CC2D2B: variants seen among roughly 807,000 people sequenced by gnomAD.
CC2D2B encodes coiled-coil and C2 domain containing 2B, also known as protein CC2D2B.
In CC2D2B, 128 loss-of-function variants were observed where a neutral mutation model predicts 161.2. The observed-to-expected ratio is 0.79, with a 90% confidence interval of 0.69 to 0.92. CC2D2B has a LOEUF of 0.92. Ranked by LOEUF, CC2D2B falls within the 40% of genes least tolerant of loss-of-function variation. The probability of loss-of-function intolerance (pLI) is 0.00; values close to 1 mark genes in which losing one functional copy is unlikely to be tolerated. For synonymous variants in CC2D2B, 391 were observed against 449.8 expected (o/e 0.87, Z 1.65); for missense variants, 1,173 against 1,375.1 (o/e 0.85, Z 2.32).
intron 6 of CC2D2B, among the ~76,000 whole-genome samples, chr10:95,932,604 G>T (rs1426375312): frequency 6.6e-6 from 1 of 152,124 alleles, no homozygotes; most frequent in Non-Finnish European, 1.5e-5. Context: ...GCATTTGCTT[G>T]TCTGTAAAGG....
chr10:96,007,360 C>T (rs1590857182), intron 25 of CC2D2B, among the ~76,000 whole-genome samples: 1 of 152,126 alleles, frequency 6.6e-6, no homozygotes, highest in African/African-American at 2.4e-5. Context: ...CTAAAGTGAA[C>T]CTTGATAGAG....
intron 11 of CC2D2B, among the ~76,000 whole-genome samples, chr10:95,957,611 A>T (rs555629429): frequency 8.5e-5 from 11 of 129,008 alleles, no homozygotes; most frequent in African/African-American, 3.0e-4. Context: ...TCCAGGCTAG[A>T]GTGCAGTGAC....
chr10:96,006,137 AT>A (rs2078738858), intron 25 of CC2D2B, among the ~76,000 whole-genome samples: 2 of 151,162 alleles, frequency 1.3e-5, no homozygotes, highest in South Asian at 2.1e-4. Context: ...TATTTTAATT[AT>A]TTTTTTCTCC....
chr10:95,986,498 T>A (rs548397045), intron 19 of CC2D2B, among the ~76,000 whole-genome samples: 49 of 151,714 alleles, frequency 3.2e-4, no homozygotes, highest in Middle Eastern at 3.4e-3. Context: ...GTAGTGAAGA[T>A]TACTTGTGAA....
chr10:95,916,429 T>A (rs1049392404), intron 2 of CC2D2B, among the ~76,000 whole-genome samples: 4 of 152,126 alleles, frequency 2.6e-5, no homozygotes, highest in Admixed American at 2.6e-4. Context: ...CTATTTCTTC[T>A]ATGAATTTTG....
At chr10:96,007,320 C>T (rs2078795656) in intron 25 of CC2D2B, among the ~76,000 whole-genome samples, 1 of 152,088 alleles carries the variant, frequency 6.6e-6, no homozygotes, top group Admixed American at 6.6e-5. Flanking sequence ...GGATAATGGC[C>T]TCCAGCTCCA....
intron 25 of CC2D2B, among the ~76,000 whole-genome samples, chr10:96,005,986 T>C (rs921705271): frequency 6.6e-6 from 1 of 152,188 alleles, no homozygotes; most frequent in Non-Finnish European, 1.5e-5. Flanking sequence ...ATCTGGTTTC[T>C]AACTTTATCC....
Position 95,917,162 on chromosome 10 carries a change from T to G in CC2D2B, c.37-4854T>G, listed in dbSNP as rs923172389. Among the ~76,000 whole-genome samples, 14 of 152,240 alleles carry G rather than the reference T, an allele frequency of 9.2e-5. No homozygotes were observed. The East Asian group carries it at 1.3e-3, about 15-fold the overall frequency. ...ATGACCTTCTTTGTCTGTTTTTGTC[T>G]TGAAATTTATTTTATCTGATATAAT... On this transcript the variant is annotated intron_variant, in intron 2 of 34. Transcript: ENST00000646931.
intron 22 of CC2D2B, 81 bp from the exon 23 acceptor site, chr10:95,995,188 A>C (rs1480169031): frequency 1.5e-6 from 1 of 664,708 alleles, no homozygotes; most frequent in Non-Finnish European, 2.4e-6. Context: ...CTTCATAAGC[A>C]CAGGAAAAAC....
At chr10:95,950,664 C>G (rs1027302051) in intron 10 of CC2D2B, 3 of 152,130 alleles carry the variant, frequency 2.0e-5, no homozygotes, top group African/African-American at 7.2e-5. Flanking sequence ...GATAGTATGT[C>G]TCATTCAACT....
chr10:95,980,705 A>G (rs1414914), intron 17 of CC2D2B, among the ~76,000 whole-genome samples: 138,045 of 152,146 alleles, frequency 0.91, 62,663 homozygotes, highest in East Asian at 0.95. Context: ...CATACCACAC[A>G]TTGGCTTTTG....
intron 22 of CC2D2B, 128 bp from the exon 23 acceptor site, chr10:95,995,141 C>A (rs368455993): frequency 2.4e-4 from 122 of 499,824 alleles, no homozygotes; most frequent in African/African-American, 2.2e-3. Context: ...CAATTCAAGG[C>A]AAACTCAGTA....
rs548320224 is a variant in CC2D2B, at chr10:96,024,957, T to C, written c.3947+46T>C. On this transcript the variant is annotated intron_variant, in intron 33 of 34. Coordinates refer to ENST00000646931, the MANE Select transcript of CC2D2B (RefSeq NM_001349008.3). ...CTCTTGTTGGGTTACCTTTCAGTCT[T>C]CTGACCCATCCATTCAAAATACCTG... The C allele has an allele frequency of 1.8e-5, 20 of 1,125,734 alleles. No homozygotes were observed. The Admixed American group carries it at 4.1e-4, about 23-fold the overall frequency. 69.7% of individuals were successfully genotyped at this position (1,125,734 alleles called of 1,614,324 possible).
intron 12 of CC2D2B, among the ~76,000 whole-genome samples, chr10:95,964,805 A>G (rs1271020540): frequency 6.6e-6 from 1 of 152,138 alleles, no homozygotes; most frequent in East Asian, 1.9e-4. Context: ...TATAATTCAC[A>G]TACCATATGG....
intron 6 of CC2D2B, among the ~76,000 whole-genome samples, chr10:95,931,089 C>T (rs1278663783): frequency 2.0e-5 from 3 of 152,074 alleles, no homozygotes; most frequent in East Asian, 1.9e-4. Flanking sequence ...TTCAGGGATT[C>T]GACTTCTTCC....
At position 96,003,702 on chromosome 10, in the gene CC2D2B, C is replaced by T. The variant is rs139946133; in HGVS notation, c.2850-450C>T. 3.1e-3 allele frequency among the ~76,000 whole-genome samples: 473 copies of T among 151,922 alleles called. 2 individuals are homozygous for T. The highest frequency in any genetic ancestry group is 0.01 in the African/African-American group (423 of 41,410). Reference sequence around the variant, plus strand: ...AACTCCTGACCTCAGGTGATCCACCCGCCTCGGCCTCCCAAAGTGCTGGGA... The same window carrying T: ...AACTCCTGACCTCAGGTGATCCACCTGCCTCGGCCTCCCAAAGTGCTGGGA... On this transcript the variant is annotated intron_variant, in intron 24 of 34. Transcript: ENST00000646931.
rs1000636262 is a variant in CC2D2B, at chr10:96,012,603, C to T, written c.3300C>T (p.Asn1100=). 1.7e-5 allele frequency: 27 copies of T among 1,612,752 alleles called. No homozygotes were observed. Among genetic ancestry groups the T allele is most frequent in the Non-Finnish European group, 2.3e-5 (27 of 1,179,018 alleles). ...AGAATTGTAAGGCAATGTTTCCCAA[C>T]CGAAGAATCGTAACTACTGTTTTTA... ...FKKNCKAMFP[N]RRIVTTVFND... is the part of the protein sequence containing the mutation. The change falls in exon 28 of 35, where the codon AAC becomes AAT. Residue 1100 remains asparagine, a synonymous_variant. Coordinates refer to ENST00000646931, the MANE Select transcript of CC2D2B (RefSeq NM_001349008.3).
chr10:96,029,243 T>TATAC (rs1232492680), intron 34 of CC2D2B, among the ~76,000 whole-genome samples: 1 of 8,584 alleles, frequency 1.2e-4, no homozygotes, highest in African/African-American at 1.4e-3. Context: ...TCATGTACCA[T>TATAC]ATATATATAT....
intron 10 of CC2D2B, chr10:95,950,313 T>C (rs971746778): frequency 5.6e-6 from 2 of 357,370 alleles, no homozygotes; most frequent in Non-Finnish European, 9.9e-6. Context: ...CCACAAATGG[T>C]TTACTAATCA....
Sources: allele counts gnomAD v4.1 joint callset (sites outside exome capture counted in the v4.1 genomes callset), GRCh38; gene constraint gnomAD v4.1.1; transcripts MANE v1.5; gene names NCBI Gene and HGNC (gene_info 2026-07-23, HGNC 2026-07-21).